The following INPP4B variants were observed in gnomAD, a reference collection of about 807,000 sequenced individuals.
INPP4B encodes the protein inositol polyphosphate 4-phosphatase type II.
A neutral mutation model predicts 122.5 loss-of-function variants in INPP4B; 55 were observed. The ratio of observed to expected loss-of-function variants is 0.45; its 90% CI spans 0.36 to 0.56. The LOEUF (loss-of-function observed/expected upper bound fraction) is 0.56. INPP4B is among the 20% of genes least tolerant of loss of function. INPP4B has a pLI of 0.00. For synonymous variants in INPP4B, 403 were observed against 388.7 expected (o/e 1.04, Z -0.43); for missense variants, 1,000 against 1,097.7 (o/e 0.91, Z 1.26).
At chr4:142,153,017 T>C (rs562084178) in intron 17 of INPP4B, among the ~76,000 whole-genome samples, 2 of 152,346 alleles carry the variant, frequency 1.3e-5, no homozygotes, top group African/African-American at 4.8e-5. Flanking sequence ...CATCTTCAAA[T>C]TGAATTTATA....
chr4:142,385,695 A>G (rs954678175), intron 7 of INPP4B, among the ~76,000 whole-genome samples: 3 of 152,124 alleles, frequency 2.0e-5, no homozygotes, highest in African/African-American at 7.2e-5. Flanking sequence ...ACAATGAAAT[A>G]CCTCTCAGTC....
At chr4:142,205,230 G>A (rs560570917) in intron 14 of INPP4B, among the ~76,000 whole-genome samples, 1 of 152,198 alleles carries the variant, frequency 6.6e-6, no homozygotes, top group South Asian at 2.1e-4. Flanking sequence ...TTTGGTGGAA[G>A]TATTTTAAGG....
At chr4:142,696,946 C>A (rs1761113072) in intron 2 of INPP4B, among the ~76,000 whole-genome samples, 1 of 152,194 alleles carries the variant, frequency 6.6e-6, no homozygotes, top group Admixed American at 6.5e-5. Flanking sequence ...CCGCACACTC[C>A]ACTGTATGTG....
At chr4:142,834,752 A>G (rs1782577025) in intron 1 of INPP4B, among the ~76,000 whole-genome samples, 1 of 152,118 alleles carries the variant, frequency 6.6e-6, no homozygotes, top group African/African-American at 2.4e-5. Context: ...TTTTTCTCTC[A>G]CATGCACTCT....
At chr4:142,757,519 G>T (rs1271177266) in intron 1 of INPP4B, among the ~76,000 whole-genome samples, 1 of 152,096 alleles carries the variant, frequency 6.6e-6, no homozygotes, top group Non-Finnish European at 1.5e-5. Flanking sequence ...ATGTCATGTA[G>T]TTGGAATCAT....
In INPP4B at chr4:142,175,366, T is replaced by G. The variant is rs555831426; in HGVS notation, c.1182-1557A>C. Among the ~76,000 whole-genome samples the G allele has an allele frequency of 9.2e-5, 14 of 152,216 alleles. No individual in the cohort carries two copies. The East Asian group carries it at 2.7e-3, about 29-fold the overall frequency. On this transcript the variant is annotated intron_variant, in intron 15 of 25. Coordinates refer to ENST00000262992, the MANE Select transcript of INPP4B (RefSeq NM_001101669.3). ...TCAGAATCTTTAAGGAAACAATTTT[T>G]TTTTTGCAAACATATAATGAATATT... is the stretch of plus-strand genomic sequence containing the variant.
intron 2 of INPP4B, among the ~76,000 whole-genome samples, chr4:142,684,675 T>C (rs1298193870): frequency 6.6e-6 from 1 of 152,064 alleles, no homozygotes; most frequent in Non-Finnish European, 1.5e-5. Context: ...TAATATTTAA[T>C]TGCATTTTCC....
chr4:142,184,016 T>C (rs1187514923), intron 15 of INPP4B, among the ~76,000 whole-genome samples: 2 of 152,190 alleles, frequency 1.3e-5, no homozygotes, highest in African/African-American at 2.4e-5. Flanking sequence ...GACTGCCTTC[T>C]TCACCAAATT....
Position 142,702,396 on chromosome 4 carries a change from A to G in INPP4B, c.-191+23443T>C, listed in dbSNP as rs568786631. 5.5e-4 allele frequency among the ~76,000 whole-genome samples: 83 copies of G among 152,228 alleles called. 1 individual carries two copies. The highest frequency in any genetic ancestry group is 2.0e-3 in the African/African-American group (82 of 41,536). On this transcript the variant is annotated intron_variant, in intron 2 of 25. Coordinates refer to ENST00000262992, the MANE Select transcript of INPP4B (RefSeq NM_001101669.3). Reference sequence around the variant, plus strand: ...CTAATTACTTATTGCAAAAACATAAAAATAGAAATCTCTTCACTAGATTAT... The same window carrying G: ...CTAATTACTTATTGCAAAAACATAAGAATAGAAATCTCTTCACTAGATTAT...
At chr4:142,384,239 A>C in intron 7 of INPP4B, 1 of 647,018 alleles carries the variant, frequency 1.5e-6, no homozygotes, top group East Asian at 2.7e-5. Flanking sequence ...GTATTAACTC[A>C]ATTAGTTAGT....
chr4:142,601,117 A>G (rs1739802940), intron 2 of INPP4B, among the ~76,000 whole-genome samples: 1 of 152,178 alleles, frequency 6.6e-6, no homozygotes, highest in Admixed American at 6.5e-5. Flanking sequence ...TCCACATCAT[A>G]CTTTCAGCAT....
At chr4:142,303,677 C>T (rs894649554) in intron 9 of INPP4B, among the ~76,000 whole-genome samples, 36 of 152,054 alleles carry the variant, frequency 2.4e-4, no homozygotes, top group African/African-American at 8.4e-4. Flanking sequence ...AAAATAATAA[C>T]CTAGCCATTT....
At chr4:142,661,168 A>C (rs570864011) in intron 2 of INPP4B, among the ~76,000 whole-genome samples, 1 of 152,112 alleles carries the variant, frequency 6.6e-6, no homozygotes, top group Non-Finnish European at 1.5e-5. Context: ...TCACCCAATA[A>C]AACCCTATTT....
At chr4:142,673,418 A>G (rs1348449143) in intron 2 of INPP4B, among the ~76,000 whole-genome samples, 1 of 146,212 alleles carries the variant, frequency 6.8e-6, no homozygotes, top group East Asian at 2.0e-4. Context: ...CCAGGAGACA[A>G]AAAAAAAAAA....
At chr4:142,693,211 C>T (rs1264883547) in intron 2 of INPP4B, among the ~76,000 whole-genome samples, 1 of 151,690 alleles carries the variant, frequency 6.6e-6, no homozygotes, top group East Asian at 1.9e-4. Flanking sequence ...AAAAATTAAC[C>T]TTGGTATGTG....
At chr4:142,833,517 T>TTA (rs1782418784) in intron 1 of INPP4B, among the ~76,000 whole-genome samples, 1 of 152,074 alleles carries the variant, frequency 6.6e-6, no homozygotes, top group African/African-American at 2.4e-5. Context: ...TACTATAATT[T>TTA]TATATATTTA....
At chr4:142,439,786 G>A (rs753326009) in intron 3 of INPP4B, among the ~76,000 whole-genome samples, 8 of 152,030 alleles carry the variant, frequency 5.3e-5, no homozygotes, top group East Asian at 1.9e-4. Context: ...CAGAAGAAAC[G>A]GGTCACATTA....
chr4:142,555,712 CAA>C (rs368308080), intron 2 of INPP4B, among the ~76,000 whole-genome samples: 1 of 150,142 alleles, frequency 6.7e-6, no homozygotes, highest in African/African-American at 2.4e-5. Context: ...ACTAAAAATA[CAA>C]AAAAAAATTA....
intron 25 of INPP4B, among the ~76,000 whole-genome samples, chr4:142,071,618 A>T (rs1004673387): frequency 2.0e-5 from 3 of 152,212 alleles, no homozygotes; most frequent in African/African-American, 7.2e-5. Context: ...AGAATCTACA[A>T]AGAACTTCAG....
Sources: gnomAD v4.1 joint callset for allele counts (sites outside exome capture counted in the v4.1 genomes callset) on GRCh38, gnomAD v4.1.1 for gene constraint, MANE v1.5 for transcripts, NCBI Gene and HGNC (gene_info 2026-07-23, HGNC 2026-07-21) for gene names.